Variants in SMIM41 observed in about 807,000 individuals in gnomAD.
SMIM41 encodes the protein small integral membrane protein 41.
At chr12:52,096,466 T>C (rs1250998564) in intron 2 of SMIM41, among the ~76,000 whole-genome samples, 1 of 152,046 alleles carries the variant, frequency 6.6e-6, no homozygotes, top group African/African-American at 2.4e-5. Context: ...CCCACTGTGG[T>C]ATTAGGAGTA....
chr12:52,090,145 A>T (rs1939973775), intron 2 of SMIM41, among the ~76,000 whole-genome samples: 1 of 152,154 alleles, frequency 6.6e-6, no homozygotes, highest in Admixed American at 6.6e-5. Flanking sequence ...ATCTTGGCTC[A>T]CTACAACCTC....
At position 52,079,990 on chromosome 12, in the gene SMIM41, C is replaced by G. The variant is rs1465122470; in HGVS notation, c.211C>G (p.Arg71Gly). ...CCAGGGCCTGACAGCGCTGCTGACC[C>G]GCGAGCAGCGCGCGTCCCGCGAGCC... is the stretch of plus-strand genomic sequence containing the variant. ...RAQGLTALLT[R>G]EQRASREPEP... The change falls in exon 1 of 3, where the codon CGC becomes GGC. Residue 71 changes from arginine (R) to glycine (G), a missense_variant. Arg to Gly is a moderately radical substitution (Grantham distance 125). Transcript: ENST00000546390. 2 of 378,394 alleles carry G rather than the reference C, an allele frequency of 5.3e-6. No individual in the cohort carries two copies. Among genetic ancestry groups the G allele is most frequent in the Non-Finnish European group, 9.4e-6 (2 of 213,038 alleles). 23.4% of individuals were successfully genotyped at this position (378,394 alleles called of 1,614,324 possible).
chr12:52,088,247 A>G (rs1939923475), intron 2 of SMIM41, among the ~76,000 whole-genome samples: 1 of 152,204 alleles, frequency 6.6e-6, no homozygotes, highest in African/African-American at 2.4e-5. Context: ...GAGTGACGGG[A>G]TGGAAACCTG....
chr12:52,089,248 C>G (rs1939943465), intron 2 of SMIM41, among the ~76,000 whole-genome samples: 1 of 152,084 alleles, frequency 6.6e-6, no homozygotes, highest in African/African-American at 2.4e-5. Context: ...TCTGATAGTT[C>G]TGGAGGCCAG....
intron 2 of SMIM41, among the ~76,000 whole-genome samples, chr12:52,087,361 C>A (rs990439368): frequency 9.2e-5 from 14 of 152,214 alleles, no homozygotes; most frequent in Non-Finnish European, 1.8e-4. Flanking sequence ...TCTCACTTGC[C>A]TTTACAGCCA....
chr12:52,080,476 G>A (rs771093042), intron 1 of SMIM41, among the ~76,000 whole-genome samples: 2 of 152,208 alleles, frequency 1.3e-5, no homozygotes, highest in Non-Finnish European at 2.9e-5. Context: ...AACAGAGGCT[G>A]CTGTGTAACT....
At chr12:52,093,176 G>A (rs1050889673) in intron 2 of SMIM41, among the ~76,000 whole-genome samples, 1 of 152,216 alleles carries the variant, frequency 6.6e-6, no homozygotes, top group Non-Finnish European at 1.5e-5. Context: ...CCAGCCTAGC[G>A]ACAGAGCGAG....
intron 2 of SMIM41, among the ~76,000 whole-genome samples, chr12:52,088,251 A>G (rs1414894397): frequency 6.6e-6 from 1 of 152,216 alleles, no homozygotes; most frequent in Non-Finnish European, 1.5e-5. Context: ...GACGGGATGG[A>G]AACCTGTGGG....
chr12:52,095,752 A>G (rs553547545), intron 2 of SMIM41, among the ~76,000 whole-genome samples: 7 of 151,926 alleles, frequency 4.6e-5, no homozygotes, highest in Non-Finnish European at 7.4e-5. Flanking sequence ...TATTAAGGAC[A>G]ATATCACAGG....
chr12:52,088,158 G>C (rs909075908), intron 2 of SMIM41, among the ~76,000 whole-genome samples: 3 of 152,240 alleles, frequency 2.0e-5, no homozygotes, highest in Admixed American at 1.3e-4. Context: ...TTGCTGGTGG[G>C]AAGGGCCCTT....
intron 2 of SMIM41, among the ~76,000 whole-genome samples, chr12:52,101,440 A>C (rs1940215178): frequency 6.6e-6 from 1 of 152,172 alleles, no homozygotes; most frequent in Non-Finnish European, 1.5e-5. Flanking sequence ...TACACACAAA[A>C]GGAATCTCAG....
chr12:52,101,927 G>T (rs928216392), intron 2 of SMIM41, among the ~76,000 whole-genome samples: 4 of 152,132 alleles, frequency 2.6e-5, no homozygotes, highest in African/African-American at 9.7e-5. Flanking sequence ...CGGTCAGGCT[G>T]GTCTTGAACT....
chr12:52,096,465 G>A (rs1467244114), intron 2 of SMIM41, among the ~76,000 whole-genome samples: 1 of 151,802 alleles, frequency 6.6e-6, no homozygotes, highest in Non-Finnish European at 1.5e-5. Context: ...ACCCACTGTG[G>A]TATTAGGAGT....
intron 2 of SMIM41, among the ~76,000 whole-genome samples, chr12:52,089,316 C>T (rs1208442248): frequency 1.3e-5 from 2 of 151,826 alleles, no homozygotes; most frequent in African/African-American, 4.8e-5. Flanking sequence ...GTAGGGGGGT[C>T]GGGTGGGGCG....
chr12:52,097,307 G>T (rs184866989), intron 2 of SMIM41, among the ~76,000 whole-genome samples: 2 of 151,864 alleles, frequency 1.3e-5, no homozygotes, highest in Non-Finnish European at 2.9e-5. Context: ...GATACACATC[G>T]CAGGGGGGCG....
At chr12:52,094,679 C>T (rs922244368) in intron 2 of SMIM41, 1 of 152,872 alleles carries the variant, frequency 6.5e-6, no homozygotes, top group Non-Finnish European at 1.5e-5. Flanking sequence ...GTGCTCTCAC[C>T]TCTTGGCCTC....
At chr12:52,102,447 C>T (rs1050220415) in intron 2 of SMIM41, among the ~76,000 whole-genome samples, 2 of 152,086 alleles carry the variant, frequency 1.3e-5, no homozygotes, top group Admixed American at 6.6e-5. Context: ...AAAGATAACC[C>T]GTGGATTAGG....
At chr12:52,095,753 A>G (rs1158060423) in intron 2 of SMIM41, among the ~76,000 whole-genome samples, 2 of 151,998 alleles carry the variant, frequency 1.3e-5, no homozygotes, top group Non-Finnish European at 2.9e-5. Flanking sequence ...ATTAAGGACA[A>G]TATCACAGGG....
chr12:52,084,315 C>T (rs1939861145), intron 2 of SMIM41, among the ~76,000 whole-genome samples: 1 of 151,778 alleles, frequency 6.6e-6, no homozygotes, highest in Non-Finnish European at 1.5e-5. Context: ...CGTGCCACTA[C>T]ACTCCAGCCT....
Sources: allele counts gnomAD v4.1 joint callset (sites outside exome capture counted in the v4.1 genomes callset), GRCh38; gene constraint gnomAD v4.1.1; transcripts MANE v1.5; gene names NCBI Gene and HGNC (gene_info 2026-07-23, HGNC 2026-07-21).